The following ATXN10 variants were observed in gnomAD, a reference collection of about 807,000 sequenced individuals.
ATXN10 encodes the protein ataxin 10, also known as ataxin-10.
In ATXN10, 28 loss-of-function variants were observed where a neutral mutation model predicts 52.9. The ratio of observed to expected loss-of-function variants is 0.53; its 90% CI spans 0.39 to 0.73. ATXN10 has a LOEUF of 0.73. ATXN10 is among the 30% of genes least tolerant of loss of function. The pLI is 0.00. For synonymous variants in ATXN10, 226 were observed against 221.5 expected (o/e 1.02, Z -0.18); for missense variants, 565 against 577.0 (o/e 0.98, Z 0.21).
At chr22:45,707,168 A>G (rs1296148790) in intron 5 of ATXN10, among the ~76,000 whole-genome samples, 2 of 152,048 alleles carry the variant, frequency 1.3e-5, no homozygotes, top group African/African-American at 2.4e-5. Context: ...CTATTTTTCC[A>G]TATCTTTTGC....
At position 45,701,232 on chromosome 22, in the gene ATXN10, G is replaced by T. The variant is rs1208178724; in HGVS notation, c.488+854G>T. On this transcript the variant is annotated intron_variant, in intron 4 of 11. Coordinates refer to ENST00000252934, the MANE Select transcript of ATXN10 (RefSeq NM_013236.4). The surrounding 1 kb of genome is among the most constrained non-coding windows in gnomAD (Gnocchi z 4.2). ...ATTTTTTCTGTTCTCACAATAGCCT[G>T]CAGAGTAAGTGTTACTGTCTCCCCA... Among the ~76,000 whole-genome samples, 2 of 152,188 alleles carry T rather than the reference G, an allele frequency of 1.3e-5. No individual in the cohort carries two copies. The highest frequency in any genetic ancestry group is 2.9e-5 in the Non-Finnish European group (2 of 68,028).
rs748780048 is a variant in ATXN10, at chr22:45,694,940, CAAAAAAAAAAAA to C, written c.391+1877_391+1888del. Among the ~76,000 whole-genome samples, 130 of 21,916 alleles carry C rather than the reference CAAAAAAAAAAAA, an allele frequency of 5.9e-3. 2 individuals carry two copies. Among genetic ancestry groups the C allele is most frequent in the African/African-American group, 0.018 (122 of 6,866 alleles). The allele number at this position is 21,916 out of a possible 152,430, so 14.4% of individuals were successfully genotyped here. A position where few individuals can be genotyped will look rare whatever the true frequency, so the allele number is the denominator to read the frequency against. On this transcript the variant is annotated intron_variant, in intron 3 of 11. Transcript: ENST00000252934. ...TGGGTGACAGAGCAAGACTCTGTCT[CAAAAAAAAAAAA>C]AAAAAAAAAAAAAACAAAACCCCAG...
rs1332201224 is a variant in ATXN10 at position 45,759,503 on chromosome 22, C to T, written c.1173+18965C>T. 3.3e-5 allele frequency among the ~76,000 whole-genome samples: 5 copies of T among 152,156 alleles called. No individual in the cohort carries two copies. Among genetic ancestry groups the T allele is most frequent in the East Asian group, 1.9e-4 (1 of 5,194 alleles). Reference sequence around the variant, plus strand: ...CTCCAGCCTGGGCAGAGCAAGACTCCGTGTCAAACAAACAAACAAAAAAGA... The same window carrying T: ...CTCCAGCCTGGGCAGAGCAAGACTCTGTGTCAAACAAACAAACAAAAAAGA... On this transcript the variant is annotated intron_variant, in intron 9 of 11. Transcript: ENST00000252934. This position sits in a 1 kb window ranked among gnomAD's most constrained non-coding sequence, Gnocchi z 5.4.
chr22:45,704,835 A>T (rs148208051), intron 5 of ATXN10, among the ~76,000 whole-genome samples: 2 of 152,242 alleles, frequency 1.3e-5, no homozygotes, highest in African/African-American at 4.8e-5. Context: ...GTGAGAGCAG[A>T]CATATGTTTC....
Position 45,759,748 on chromosome 22 carries a change from A to C in ATXN10, c.1173+19210A>C, listed in dbSNP as rs1601629022. ...AGGGGATGGGGTGGGATGGGGTCAC[A>C]CCTCAGCTGCCGGCATGAGCTAAGG... On this transcript the variant is annotated intron_variant, in intron 9 of 11. Transcript: ENST00000252934. The surrounding 1 kb of genome is among the most constrained non-coding windows in gnomAD (Gnocchi z 5.4). 6.6e-6 allele frequency among the ~76,000 whole-genome samples: 1 copy of C among 152,040 alleles called. No homozygotes were observed. The highest frequency in any genetic ancestry group is 1.5e-5 in the Non-Finnish European group (1 of 67,998).
At chr22:45,793,543 A>C (rs1927593030) in intron 9 of ATXN10, 1 of 1,256,940 alleles carries the variant, frequency 8.0e-7, no homozygotes, top group East Asian at 3.0e-5. Context: ...AATTCTGTCA[A>C]GCTCTTCAAT....
chr22:45,747,578 A>G (rs2090828985), intron 9 of ATXN10, among the ~76,000 whole-genome samples: 1 of 152,156 alleles, frequency 6.6e-6, no homozygotes, highest in African/African-American at 2.4e-5. Context: ...TTGGCTTGTA[A>G]CATTGGATCC....
intron 1 of ATXN10, chr22:45,674,408 A>T (rs1001358809): frequency 6.6e-6 from 1 of 152,314 alleles, no homozygotes. Context: ...GTGGTGGTGC[A>T]GAGAACTCAT....
chr22:45,811,279 C>G (rs1174269877), intron 10 of ATXN10, among the ~76,000 whole-genome samples: 2 of 152,014 alleles, frequency 1.3e-5, no homozygotes, highest in Non-Finnish European at 2.9e-5. Flanking sequence ...GATTTTCTGC[C>G]TAATATTAAT....
rs935471065 is a variant in ATXN10, at chr22:45,832,370, C to G, written c.1238-10621C>G. On this transcript the variant is annotated intron_variant, in intron 10 of 11. Transcript: ENST00000252934. ...GCGCTGTGTGGCCTGCTCCCATCTG[C>G]ACCCTCCTCCTCAGCTCTCCAGGGG... 2.6e-5 allele frequency among the ~76,000 whole-genome samples: 4 copies of G among 152,360 alleles called. 1 individual carries two copies. The South Asian group carries it at 6.2e-4, about 24-fold the overall frequency.
chr22:45,788,993 A>G (rs1362801751), intron 9 of ATXN10, among the ~76,000 whole-genome samples: 1 of 152,120 alleles, frequency 6.6e-6, no homozygotes, highest in Non-Finnish European at 1.5e-5. Context: ...GTCACCCCCA[A>G]GATACAGATT....
In ATXN10 at chr22:45,806,997, C is replaced by T. The variant is rs200915514; in HGVS notation, c.1212C>T (p.Asn404=). The T allele has an allele frequency of 6.2e-7, 1 of 1,614,060 alleles. No individual in the cohort carries two copies. Among genetic ancestry groups the T allele is most frequent in the African/African-American group, 1.3e-5 (1 of 75,044 alleles). Reference sequence around the variant, plus strand: ...ATGGTATCCCGTTGATCCTGGACAACTGCAACATCAGTGACAGTAACCCCT... The same window carrying T: ...ATGGTATCCCGTTGATCCTGGACAATTGCAACATCAGTGACAGTAACCCCT... ...ELDGIPLILD[N]CNISDSNPFL... The change falls in exon 10 of 12, where the codon AAC becomes AAT. Residue 404 remains asparagine, a synonymous_variant. Transcript: ENST00000252934.
In ATXN10 at chr22:45,690,279, G is replaced by GA. The variant is rs781133315; in HGVS notation, c.308+393dup. 7.8e-3 allele frequency among the ~76,000 whole-genome samples: 1,015 copies of GA among 129,984 alleles called. 5 individuals are homozygous for GA. Among genetic ancestry groups the GA allele is most frequent in the Admixed American group, 0.011 (144 of 12,948 alleles). 85.3% of individuals were successfully genotyped at this position (129,984 alleles called of 152,430 possible). A position where few individuals can be genotyped will look rare whatever the true frequency, so the allele number is the denominator to read the frequency against. ...CCACATTGTGAGACCCTGTCTCAGG[G>GA]AAAAAAAAAAAAAAAAAGTTGTTCT... On this transcript the variant is annotated intron_variant, in intron 2 of 11. Coordinates refer to ENST00000252934, the MANE Select transcript of ATXN10 (RefSeq NM_013236.4). This position sits in a 1 kb window ranked among gnomAD's most constrained non-coding sequence, Gnocchi z 4.5.
chr22:45,706,221 A>AT (rs1365298311), intron 5 of ATXN10, among the ~76,000 whole-genome samples: 3 of 152,092 alleles, frequency 2.0e-5, no homozygotes, highest in Admixed American at 1.3e-4. Context: ...GACCCTTAGA[A>AT]TTTTTTTATT....
At chr22:45,806,782 T>C (rs1032730092) in intron 9 of ATXN10, among the ~76,000 whole-genome samples, 177 bp from the exon 10 acceptor site, 2 of 152,184 alleles carry the variant, frequency 1.3e-5, no homozygotes, top group African/African-American at 2.4e-5. Context: ...AAATAAAATA[T>C]CACTTTTTGT....
chr22:45,801,547 G>A (rs1033448761), intron 9 of ATXN10, among the ~76,000 whole-genome samples: 1 of 152,196 alleles, frequency 6.6e-6, no homozygotes, highest in Middle Eastern at 3.2e-3. Context: ...ACTTAGAATT[G>A]CTGTGTAAGG....
intron 10 of ATXN10, among the ~76,000 whole-genome samples, chr22:45,811,317 G>A (rs1473403496): frequency 6.6e-6 from 1 of 152,062 alleles, no homozygotes; most frequent in Non-Finnish European, 1.5e-5. Flanking sequence ...CTTTGGATTG[G>A]TATTTACATG....
intron 1 of ATXN10, chr22:45,679,475 G>T (rs1922830506): frequency 6.6e-6 from 1 of 152,190 alleles, no homozygotes; most frequent in Admixed American, 6.5e-5. Flanking sequence ...AAGCACTTTA[G>T]AGGTCAACAT....
intron 5 of ATXN10, among the ~76,000 whole-genome samples, chr22:45,703,635 A>G (rs1923925675): frequency 6.6e-6 from 1 of 152,174 alleles, no homozygotes; most frequent in African/African-American, 2.4e-5. Context: ...AGGTTTAGAC[A>G]GTTTGTTACT....
Sources: gnomAD v4.1 joint callset for allele counts (sites outside exome capture counted in the v4.1 genomes callset) on GRCh38, gnomAD v4.1.1 for gene constraint, Gnocchi (gnomAD v3.1) non-coding constraint, MANE v1.5 for transcripts, NCBI Gene and HGNC (gene_info 2026-07-23, HGNC 2026-07-21) for gene names.